The following ACOXL variants were observed in gnomAD, a reference collection of about 807,000 sequenced individuals.
The protein encoded by ACOXL is acyl-CoA oxidase like.
A neutral mutation model predicts 71.9 loss-of-function variants in ACOXL; 70 were observed. The ratio of observed to expected loss-of-function variants is 0.97; its 90% confidence interval spans 0.80 to 1.19. The LOEUF (loss-of-function observed/expected upper bound fraction) is 1.19, where lower values mean the gene tolerates loss of function less well. Ranked by LOEUF, ACOXL falls within the 50% of genes most tolerant of loss-of-function variation. ACOXL has a pLI of 0.00. For synonymous variants in ACOXL, 253 were observed against 281.6 expected (o/e 0.90, Z 1.02); for missense variants, 703 against 736.3 (o/e 0.95, Z 0.52).
chr2:110,899,324 C>T (rs971702859), intron 10 of ACOXL, among the ~76,000 whole-genome samples: 1 of 152,240 alleles, frequency 6.6e-6, no homozygotes, highest in African/African-American at 2.4e-5. Flanking sequence ...GATGTTCAAC[C>T]TCAGTGACGG....
chr2:110,966,325 C>T (rs2061927242), intron 12 of ACOXL, among the ~76,000 whole-genome samples: 1 of 152,240 alleles, frequency 6.6e-6, no homozygotes, highest in Non-Finnish European at 1.5e-5. Flanking sequence ...CAGTGTGCTT[C>T]TGCTACCCAC....
intron 10 of ACOXL, among the ~76,000 whole-genome samples, chr2:110,906,916 G>T (rs2059473026): frequency 6.6e-6 from 1 of 152,190 alleles, no homozygotes; most frequent in Admixed American, 6.5e-5. Flanking sequence ...GTCTGGTTTT[G>T]GTAGGTAAGA....
intron 12 of ACOXL, among the ~76,000 whole-genome samples, chr2:110,985,697 G>A (rs1423126992): frequency 6.6e-6 from 1 of 152,142 alleles, no homozygotes; most frequent in African/African-American, 2.4e-5. Context: ...AGGGAACAGG[G>A]GAGTTTAATT....
intron 11 of ACOXL, among the ~76,000 whole-genome samples, chr2:110,925,193 A>C (rs1376234022): frequency 6.6e-6 from 1 of 152,194 alleles, no homozygotes; most frequent in African/African-American, 2.4e-5. Context: ...GATTCAGCAT[A>C]ATTCTTAATG....
rs367593951 is a variant in ACOXL at position 110,956,569 on chromosome 2, A to G, written c.1059+22927A>G. On this transcript the variant is annotated intron_variant, in intron 12 of 17. Coordinates refer to ENST00000439055, the MANE Select transcript of ACOXL (RefSeq NM_001142807.4). The stretch of plus-strand genomic sequence containing the variant: ...TCCATGCTCCCAGATCCCCTCACAT[A>G]CGGTTTCTGCACCACTGGGCACGGT... Among the ~76,000 whole-genome samples, 9 of 152,214 alleles carry G rather than the reference A, an allele frequency of 5.9e-5. No individual in the cohort carries two copies. The East Asian group carries it at 1.6e-3, about 26-fold the overall frequency.
chr2:111,033,395 C>A (rs1558892726), intron 15 of ACOXL, among the ~76,000 whole-genome samples: 1 of 152,182 alleles, frequency 6.6e-6, no homozygotes, highest in Admixed American at 6.5e-5. Flanking sequence ...GAAAATCCAG[C>A]CACCAAGTCA....
intron 1 of ACOXL, among the ~76,000 whole-genome samples, chr2:110,736,721 G>A (rs1009801374): frequency 8.0e-5 from 12 of 150,672 alleles, no homozygotes; most frequent in Admixed American, 2.7e-4. Flanking sequence ...CCGGGCTCAC[G>A]CCATTCTCCT....
intron 16 of ACOXL, among the ~76,000 whole-genome samples, chr2:111,069,597 A>G (rs2067242421): frequency 6.6e-6 from 1 of 152,202 alleles, no homozygotes; most frequent in Non-Finnish European, 1.5e-5. Context: ...GAGGGACACA[A>G]TTCAGTCCAT....
chr2:110,793,583 C>A, intron 3 of ACOXL, 67 bp from the exon 4 acceptor site: 1 of 1,449,318 alleles, frequency 6.9e-7, no homozygotes, highest in Non-Finnish European at 9.7e-7. Flanking sequence ...GGAGTTTGGC[C>A]GTGGATTTAA....
chr2:111,043,082 C>T (rs2065859769), intron 15 of ACOXL, among the ~76,000 whole-genome samples: 1 of 152,320 alleles, frequency 6.6e-6, no homozygotes, highest in South Asian at 2.1e-4. Flanking sequence ...TGCATGCTGG[C>T]TCCTGTGGGC....
At chr2:110,833,166 C>T (rs536608958) in intron 9 of ACOXL, among the ~76,000 whole-genome samples, 1 of 152,224 alleles carries the variant, frequency 6.6e-6, no homozygotes, top group East Asian at 1.9e-4. Context: ...CTGGAAATAA[C>T]CCAGATATCT....
chr2:110,938,925 G>A lies in ACOXL; in HGVS notation c.1059+5283G>A, dbSNP rs371394216. Reference sequence around the variant, plus strand: ...ATTGCCTACAGACTACTCATAATGAGAGCAATGATGACATTCATTAGCTTT... The same window carrying A: ...ATTGCCTACAGACTACTCATAATGAAAGCAATGATGACATTCATTAGCTTT... On this transcript the variant is annotated intron_variant, in intron 12 of 17. Coordinates refer to ENST00000439055, the MANE Select transcript of ACOXL (RefSeq NM_001142807.4). Among the ~76,000 whole-genome samples the A allele has an allele frequency of 2.0e-5, 3 of 151,920 alleles. No individual in the cohort carries two copies. The East Asian group carries it at 5.8e-4, about 29-fold the overall frequency.
intron 9 of ACOXL, among the ~76,000 whole-genome samples, chr2:110,815,780 A>G (rs1261747529): frequency 6.6e-6 from 1 of 152,208 alleles, no homozygotes; most frequent in Non-Finnish European, 1.5e-5. Context: ...TGGGGTGCCC[A>G]AGGGCTTCTG....
At chr2:110,797,571 G>A (rs1211620957) in intron 5 of ACOXL, among the ~76,000 whole-genome samples, 8 of 152,156 alleles carry the variant, frequency 5.3e-5, no homozygotes, top group Non-Finnish European at 1.2e-4. Flanking sequence ...CCAAGCGTAC[G>A]GTTTTGGCCT....
At chr2:111,100,364 CAGGG>C (rs2069063771) in intron 17 of ACOXL, 1 of 152,654 alleles carries the variant, frequency 6.6e-6, no homozygotes, top group African/African-American at 2.4e-5. Context: ...CCACGCACAG[CAGGG>C]AGGAAGGCCA....
At chr2:110,798,498 C>T in intron 5 of ACOXL, 112 bp from the exon 6 acceptor site, 2 of 776,062 alleles carry the variant, frequency 2.6e-6, no homozygotes, top group Admixed American at 3.9e-5. Context: ...CCTCGTGATC[C>T]ACCCACCTCG....
chr2:110,747,500 G>A (rs911829390), intron 1 of ACOXL, among the ~76,000 whole-genome samples: 5 of 152,162 alleles, frequency 3.3e-5, no homozygotes, highest in Admixed American at 6.5e-5. Context: ...CTAGCCTCTC[G>A]TGTGCCATTC....
intron 10 of ACOXL, among the ~76,000 whole-genome samples, chr2:110,846,793 G>GC (rs1232263957): frequency 2.0e-5 from 3 of 151,832 alleles, no homozygotes; most frequent in African/African-American, 7.3e-5. Flanking sequence ...GTGTTGGGGG[G>GC]GGTGTATGTG....
intron 17 of ACOXL, chr2:111,100,242 C>T (rs931486195): frequency 6.6e-6 from 1 of 152,612 alleles, no homozygotes; most frequent in Non-Finnish European, 1.5e-5. Context: ...GAAAATAATA[C>T]TTAGCAAAAT....
Sources: gnomAD v4.1 joint callset for allele counts (sites outside exome capture counted in the v4.1 genomes callset) on GRCh38, gnomAD v4.1.1 for gene constraint, MANE v1.5 for transcripts, NCBI Gene and HGNC (gene_info 2026-07-23, HGNC 2026-07-21) for gene names.